VWA8: variants seen among roughly 807,000 people sequenced by gnomAD.
VWA8 encodes the protein von Willebrand factor A domain containing 8.
In VWA8, 221 loss-of-function variants were observed where a neutral mutation model predicts 241.5. The ratio of observed to expected loss-of-function variants is 0.91; its 90% CI spans 0.82 to 1.02. VWA8 has a LOEUF of 1.02. Among genes scored for constraint, VWA8 ranks in the 50% least tolerant of loss-of-function variants. The probability of loss-of-function intolerance (pLI) is 0.00; values close to 1 mark genes in which losing one functional copy is unlikely to be tolerated. For missense variants in VWA8, 2,322 were observed against 2,328.7 expected, an observed-to-expected ratio of 1.00 and a Z score of 0.06; for synonymous variants, 852 against 827.1, an observed-to-expected ratio of 1.03 and a Z score of -0.52.
At chr13:41,724,746 G>T (rs561405789) in intron 24 of VWA8, among the ~76,000 whole-genome samples, 4 of 152,306 alleles carry the variant, frequency 2.6e-5, no homozygotes, top group South Asian at 2.1e-4. Flanking sequence ...GTGGGAAAAT[G>T]AAAGAGAATT....
chr13:41,683,292 A>T (rs544662186), intron 35 of VWA8, among the ~76,000 whole-genome samples: 1 of 152,300 alleles, frequency 6.6e-6, no homozygotes, highest in East Asian at 1.9e-4. Context: ...CATAACATAA[A>T]AAATAAATAA....
intron 35 of VWA8, among the ~76,000 whole-genome samples, chr13:41,678,535 T>C (rs780970439): frequency 6.6e-6 from 1 of 152,178 alleles, no homozygotes; most frequent in Non-Finnish European, 1.5e-5. Flanking sequence ...TAGAGATGAG[T>C]GGAGCTGCCT....
intron 21 of VWA8, among the ~76,000 whole-genome samples, chr13:41,747,176 A>C (rs113899350): frequency 0.019 from 2,892 of 152,256 alleles, 95 homozygotes; most frequent in African/African-American, 0.065. Flanking sequence ...TGGATCTATA[A>C]ATTACCTTGG....
intron 1 of VWA8, 102 bp downstream of exon 1, chr13:41,960,751 T>C: frequency 7.2e-7 from 1 of 1,398,124 alleles, no homozygotes; most frequent in Non-Finnish European, 9.3e-7. Context: ...CAAACGGTCC[T>C]TCCAAGCGCA....
chr13:41,895,831 CTTTTTTT>C (rs59080554), intron 4 of VWA8, among the ~76,000 whole-genome samples: 3 of 130,024 alleles, frequency 2.3e-5, no homozygotes, highest in African/African-American at 8.5e-5. Context: ...TGCAAATTTT[CTTTTTTT>C]TTTTTTTTTT....
chr13:41,724,258 G>A (rs543338728), intron 24 of VWA8, among the ~76,000 whole-genome samples: 11 of 152,136 alleles, frequency 7.2e-5, no homozygotes, highest in Admixed American at 2.6e-4. Context: ...CAGAAGAAAC[G>A]GAGATAGCAA....
intron 2 of VWA8, chr13:41,925,931 T>C (rs1876809228): frequency 1.6e-5 from 6 of 376,620 alleles, no homozygotes; most frequent in South Asian, 9.5e-5. Flanking sequence ...TCCAAGAATA[T>C]AGTCACCAGC....
chr13:41,928,935 T>C (rs746703389), intron 2 of VWA8, among the ~76,000 whole-genome samples: 1 of 151,734 alleles, frequency 6.6e-6, no homozygotes, highest in Admixed American at 6.6e-5. Context: ...CACAAATAAA[T>C]GGAAAATATC....
intron 9 of VWA8, among the ~76,000 whole-genome samples, chr13:41,878,471 C>T (rs919397165): frequency 2.0e-5 from 3 of 151,180 alleles, no homozygotes; most frequent in African/African-American, 4.8e-5. Flanking sequence ...ATTTAAGATG[C>T]TAATCTGGTT....
chr13:41,575,635 G>A (rs1018636416), intron 43 of VWA8, 105 bp downstream of exon 43: 1 of 756,744 alleles, frequency 1.3e-6, no homozygotes, highest in Non-Finnish European at 2.1e-6. Flanking sequence ...GTGTGAAACA[G>A]TCTTTTTCTT....
chr13:41,675,259 G>T lies in VWA8; in HGVS notation c.4365C>A (p.Val1455=). 1 of 1,613,234 alleles carries T rather than the reference G, an allele frequency of 6.2e-7. No homozygotes were observed. The highest frequency in any genetic ancestry group is 1.1e-5 in the South Asian group (1 of 90,960). ...TPPQTSGYIE[V]TDLQSKKLRY... ...GGAGTTTCTTTGATTGAAGATCAGT[G>T]ACTTCTATATAACCAGATGTTTGTG... is the stretch of plus-strand genomic sequence containing the variant. The change falls in exon 36 of 45, where the codon GTC becomes GTA. Residue 1455 remains valine (V), a synonymous_variant. Coordinates refer to ENST00000379310, the MANE Select transcript of VWA8 (RefSeq NM_015058.2).
chr13:41,885,823 T>A, intron 8 of VWA8, 97 bp downstream of exon 8: 2 of 806,772 alleles, frequency 2.5e-6, no homozygotes, highest in South Asian at 3.9e-5. Flanking sequence ...TATAGAAGAG[T>A]ATGACAAAAG....
chr13:41,854,462 T>G (rs1454085591), intron 12 of VWA8, among the ~76,000 whole-genome samples: 1 of 150,188 alleles, frequency 6.7e-6, no homozygotes, highest in African/African-American at 2.4e-5. Context: ...TATTTTTTAT[T>G]GTTATATTTA....
intron 36 of VWA8, among the ~76,000 whole-genome samples, chr13:41,674,182 T>A (rs1352204100): frequency 2.0e-5 from 3 of 152,136 alleles, no homozygotes; most frequent in Admixed American, 2.0e-4. Context: ...TTAATCTGAT[T>A]AAAGGGTCCT....
At chr13:41,640,609 C>T (rs1446087654) in intron 37 of VWA8, among the ~76,000 whole-genome samples, 1 of 152,136 alleles carries the variant, frequency 6.6e-6, no homozygotes, top group Non-Finnish European at 1.5e-5. Context: ...AGTTAAAATG[C>T]CCATTTCTAG....
intron 37 of VWA8, among the ~76,000 whole-genome samples, chr13:41,658,697 C>T (rs1419260351): frequency 6.6e-6 from 1 of 152,212 alleles, no homozygotes; most frequent in African/African-American, 2.4e-5. Context: ...CCCAGCTTCA[C>T]TCGGACTTCC....
At chr13:41,883,315 AG>A in intron 9 of VWA8, 71 bp downstream of exon 9, 1 of 1,193,480 alleles carries the variant, frequency 8.4e-7, no homozygotes, top group South Asian at 1.3e-5. Context: ...GAAAGGAGTG[AG>A]GGGAAGATGG....
chr13:41,922,799 G>A (rs2138128857), intron 2 of VWA8, among the ~76,000 whole-genome samples: 1 of 152,360 alleles, frequency 6.6e-6, no homozygotes, highest in African/African-American at 2.4e-5. Flanking sequence ...GTTCTAGAGA[G>A]GATGTGGAGA....
chr13:41,857,724 A>T (rs1295573006), intron 12 of VWA8, among the ~76,000 whole-genome samples: 1 of 152,194 alleles, frequency 6.6e-6, no homozygotes, highest in African/African-American at 2.4e-5. Flanking sequence ...TCAAATTAGA[A>T]ATTTCATTCT....
Sources: allele counts gnomAD v4.1 joint callset (sites outside exome capture counted in the v4.1 genomes callset), GRCh38; gene constraint gnomAD v4.1.1; transcripts MANE v1.5; gene names NCBI Gene and HGNC (gene_info 2026-07-23, HGNC 2026-07-21).